The following AK3 variants were observed in gnomAD, a reference collection of about 807,000 sequenced individuals.
AK3 encodes GTP:AMP phosphotransferase AK3, mitochondrial.
Under a neutral mutation model 23.7 loss-of-function variants are expected in AK3, and 27 were observed. The observed-to-expected ratio is 1.14, with a 90% CI of 0.84 to 1.57. The LOEUF (loss-of-function observed/expected upper bound fraction) is 1.57. AK3 is among the 40% of genes most tolerant of loss of function. AK3 has a pLI of 0.00. For synonymous variants in AK3, 159 were observed against 116.0 expected, an observed-to-expected ratio of 1.37 and a Z score of -2.38; for missense variants, 406 against 285.6, an observed-to-expected ratio of 1.42 and a Z score of -3.04.
Position 4,740,996 on chromosome 9 carries a change from AAGTGTGT to A in AK3, c.85_91del (p.Thr29SerfsTer3). 1 of 1,594,806 alleles carries A rather than the reference AAGTGTGT, an allele frequency of 6.3e-7. No homozygotes were observed. Among genetic ancestry groups the A allele is most frequent in the Non-Finnish European group, 8.5e-7 (1 of 1,172,502 alleles). On this transcript the variant is annotated frameshift_variant, in exon 1 of 5. Transcript: ENST00000381809. LOFTEE classifies it high-confidence loss of function. ...CCCGCTGGAGAGGTGCTTCAGCTCG[AAGTGTGT>A]AGTGATGCGCGACGACACGGTGCCC...
chr9:4,740,927 G>A lies in AK3; in HGVS notation c.151+10C>T, dbSNP rs767522337. 3.2e-6 allele frequency: 5 copies of A among 1,549,026 alleles called. No homozygotes were observed. The African/African-American group carries it at 5.7e-5, about 18-fold the overall frequency. On this transcript the variant is annotated intron_variant, in intron 1 of 4. Transcript: ENST00000381809. ...CAGCGCACGGCCGGCCCTGGGCCCA[G>A]AGCTCCCACCTGTGCCCCGCAGCAT...
chr9:4,724,084 G>A (rs911155179), intron 1 of AK3, among the ~76,000 whole-genome samples: 1 of 152,190 alleles, frequency 6.6e-6, no homozygotes, highest in South Asian at 2.1e-4. Flanking sequence ...GACACGGGCT[G>A]TCATGTGGCA....
chr9:4,712,861 G>C lies in AK3; in HGVS notation c.*115C>G. The C allele has an allele frequency of 8.5e-7, 1 of 1,182,278 alleles. No individual in the cohort carries two copies. Among genetic ancestry groups the C allele is most frequent in the Non-Finnish European group, 1.2e-6 (1 of 857,538 alleles). 73.2% of individuals were successfully genotyped at this position (1,182,278 alleles called of 1,614,324 possible). On this transcript the variant is annotated 3_prime_UTR_variant, in exon 5 of 5. Coordinates refer to ENST00000381809, the MANE Select transcript of AK3 (RefSeq NM_016282.4). Reference sequence around the variant, plus strand: ...CAAAATAAAATCAGTAGAAATAAAAGTAATATAATTTTCAAAGAATTCATA... The same window carrying C: ...CAAAATAAAATCAGTAGAAATAAAACTAATATAATTTTCAAAGAATTCATA...
rs141390247 is a variant in AK3 at position 4,725,148 on chromosome 9, C to G, written c.152-2523G>C. Among the ~76,000 whole-genome samples the G allele has an allele frequency of 3.4e-3, 519 of 151,768 alleles. 4 individuals are homozygous for G. The highest frequency in any genetic ancestry group is 0.012 in the African/African-American group (497 of 41,412). On this transcript the variant is annotated intron_variant, in intron 1 of 4. Coordinates refer to ENST00000381809, the MANE Select transcript of AK3 (RefSeq NM_016282.4). ...AAGTGATTCTCCTGCCTCAGCCTCC[C>G]AAGTAGCTGGGATTACAGGTGCCCA...
intron 4 of AK3, 45 bp from the exon 5 acceptor site, chr9:4,713,141 C>A (rs778493453): frequency 6.2e-7 from 1 of 1,601,656 alleles, no homozygotes; most frequent in South Asian, 1.1e-5. Context: ...AGGTCTGAGT[C>A]TTCCTAATAA....
At chr9:4,737,092 T>TC (rs57874514) in intron 1 of AK3, among the ~76,000 whole-genome samples, 25,573 of 150,718 alleles carry the variant, frequency 0.17, 2,746 homozygotes, top group East Asian at 0.44. Flanking sequence ...ATATAGTTTT[T>TC]TTTACTATAT....
At chr9:4,734,313 A>C (rs499012) in intron 1 of AK3, among the ~76,000 whole-genome samples, 4 of 151,562 alleles carry the variant, frequency 2.6e-5, no homozygotes, top group African/African-American at 9.7e-5. Context: ...CAGAACTATA[A>C]GAAAATAAGC....
At chr9:4,732,132 TG>T (rs1295354063) in intron 1 of AK3, among the ~76,000 whole-genome samples, 7 of 152,036 alleles carry the variant, frequency 4.6e-5, no homozygotes, top group African/African-American at 1.7e-4. Flanking sequence ...TTTACTTTTT[TG>T]TAGAGAGGGA....
chr9:4,715,390 AC>A (rs1476942567), intron 4 of AK3, among the ~76,000 whole-genome samples: 2 of 101,768 alleles, frequency 2.0e-5, no homozygotes, highest in African/African-American at 1.1e-4. Flanking sequence ...TTCCCTTACT[AC>A]TTTTTTTTTT....
At chr9:4,729,016 T>TA (rs1554627058) in intron 1 of AK3, among the ~76,000 whole-genome samples, 1,406 of 57,218 alleles carry the variant, frequency 0.025, 37 homozygotes, top group African/African-American at 0.062. Flanking sequence ...TATATATATA[T>TA]TTTTTTTTTT....
intron 4 of AK3, among the ~76,000 whole-genome samples, chr9:4,715,905 C>T (rs1222040592): frequency 6.6e-6 from 1 of 152,214 alleles, no homozygotes; most frequent in Non-Finnish European, 1.5e-5. Context: ...CACTCCCCAT[C>T]TTCAAGGATG....
chr9:4,732,451 C>A (rs930937934), intron 1 of AK3, among the ~76,000 whole-genome samples: 14 of 152,250 alleles, frequency 9.2e-5, no homozygotes, highest in African/African-American at 3.1e-4. Flanking sequence ...GCAGCCCTAA[C>A]CCCAAAGTTG....
At position 4,719,277 on chromosome 9, in the gene AK3, G is replaced by T; in HGVS notation, c.302C>A (p.Ala101Asp). The T allele has an allele frequency of 2.6e-6, 4 of 1,509,754 alleles. No homozygotes were observed. The highest frequency in any genetic ancestry group is 3.6e-6 in the Non-Finnish European group (4 of 1,113,368). The allele number at this position is 1,509,754 out of a possible 1,614,324, so 93.5% of individuals were successfully genotyped here. A position where few individuals can be genotyped will look rare whatever the true frequency, so the allele number is the denominator to read the frequency against. ...GFPRTLPQAE[A>D]LDRAYQIDTV... ...GTCGATCTGATAAGCTCTATCTAGGGCTTCTGCCTGTGGAAGTGTCCTTGG... is the reference window on the plus strand; with the variant it reads ...GTCGATCTGATAAGCTCTATCTAGGTCTTCTGCCTGTGGAAGTGTCCTTGG... The change falls in exon 3 of 5, where the codon GCC becomes GAC. Residue 101 changes from alanine to aspartate, a missense_variant. Transcript: ENST00000381809.
chr9:4,726,629 T>C (rs1243538267), intron 1 of AK3, among the ~76,000 whole-genome samples: 1 of 152,048 alleles, frequency 6.6e-6, no homozygotes, highest in South Asian at 2.1e-4. Flanking sequence ...AGTTACTTCC[T>C]ACACTGAAGG....
At chr9:4,729,030 G>C (rs1228702869) in intron 1 of AK3, among the ~76,000 whole-genome samples, 1 of 82,760 alleles carries the variant, frequency 1.2e-5, no homozygotes, top group Non-Finnish European at 2.4e-5. Context: ...TTTTTTTTGA[G>C]ACGGAATTTT....
At chr9:4,741,279 T>C, upstream of AK3, 1 of 510,686 alleles carries the variant, frequency 2.0e-6, no homozygotes, top group Non-Finnish European at 3.1e-6. Flanking sequence ...CGCTGTTGCG[T>C]CCGCCTCTCG....
chr9:4,735,266 T>TATATAC lies in AK3; in HGVS notation c.151+5670_151+5671insGTATAT, dbSNP rs1554628161. On this transcript the variant is annotated intron_variant, in intron 1 of 4. Coordinates refer to ENST00000381809, the MANE Select transcript of AK3 (RefSeq NM_016282.4). Reference sequence around the variant, plus strand: ...ATATAAATATATATATATATAAATATATATATAAATATATATACATATATA... The same window carrying TATATAC: ...ATATAAATATATATATATATAAATATATATACATATATAAATATATATACATATATA... Among the ~76,000 whole-genome samples the TATATAC allele has an allele frequency of 1.7e-3, 22 of 13,330 alleles. 3 individuals carry two copies. The highest frequency in any genetic ancestry group is 0.056 in the Middle Eastern group (1 of 18). The allele number at this position is 13,330 out of a possible 152,430, so 8.7% of individuals were successfully genotyped here.
In AK3 at chr9:4,728,888, T is replaced by TAC; in HGVS notation, c.152-6264_152-6263insGT. On this transcript the variant is annotated intron_variant, in intron 1 of 4. Transcript: ENST00000381809. ...ATATACACACACACACACACATACA[T>TAC]ATATATACACATACTTATATATATA... Among the ~76,000 whole-genome samples the TAC allele has an allele frequency of 2.5e-5, 2 of 81,518 alleles. 1 individual carries two copies. The highest frequency in any genetic ancestry group is 7.7e-4 in the East Asian group (2 of 2,608). The allele number at this position is 81,518 out of a possible 152,430, so 53.5% of individuals were successfully genotyped here. A position where few individuals can be genotyped will look rare whatever the true frequency, so the allele number is the denominator to read the frequency against.
At chr9:4,728,858 T>TAC (rs1210103111) in intron 1 of AK3, among the ~76,000 whole-genome samples, 2 of 71,916 alleles carry the variant, frequency 2.8e-5, no homozygotes, top group Non-Finnish European at 5.9e-5. Context: ...TATATATATA[T>TAC]ATATATATAC....
Sources: allele counts gnomAD v4.1 joint callset (sites outside exome capture counted in the v4.1 genomes callset), GRCh38; gene constraint gnomAD v4.1.1; transcripts MANE v1.5; gene names NCBI Gene and HGNC (gene_info 2026-07-23, HGNC 2026-07-21).